GPR137: variants seen among roughly 807,000 people sequenced by gnomAD.
GPR137 encodes G protein-coupled receptor 137.
Under a neutral mutation model 38.9 loss-of-function variants are expected in GPR137, and 20 were observed. That is an observed-to-expected ratio of 0.51 (90% CI 0.36 to 0.75). The LOEUF (loss-of-function observed/expected upper bound fraction) is 0.75, where lower values mean the gene tolerates loss of function less well. GPR137 is among the 30% of genes least tolerant of loss of function. The pLI, the probability that GPR137 is intolerant of heterozygous loss-of-function variation, is 0.00. For synonymous variants in GPR137, 226 were observed against 235.8 expected, an observed-to-expected ratio of 0.96 and a Z score of 0.38; for missense variants, 456 against 526.4, an observed-to-expected ratio of 0.87 and a Z score of 1.31.
At chr11:64,284,389 G>A (rs2033703704), upstream of GPR137, 9 of 1,612,156 alleles carry the variant, frequency 5.6e-6, no homozygotes, top group Non-Finnish European at 7.6e-6. Context: ...GTGAGGACAA[G>A]ATGTTACGTA....
chr11:64,287,345 T>C (rs1374169214), intron 2 of GPR137: 6 of 974,756 alleles, frequency 6.2e-6, no homozygotes, highest in Admixed American at 6.1e-5. Context: ...CCTCGTCATT[T>C]GTACAGTGTC....
At position 64,287,746 on chromosome 11, in the gene GPR137, G is replaced by T; in HGVS notation, c.433G>T (p.Gly145Trp). 1 of 1,605,736 alleles carries T rather than the reference G, an allele frequency of 6.2e-7. No homozygotes were observed. ...GLLAVRGAFV[G>W]ASLLFLLVNV... ...GCTCGCTGTCCGAGGGGCCTTTGTGGGGGCCTCGCTGCTCTTTCTGCTGGT... is the reference window on the plus strand; with the variant it reads ...GCTCGCTGTCCGAGGGGCCTTTGTGTGGGCCTCGCTGCTCTTTCTGCTGGT... Residue 145 changes from glycine to tryptophan, a missense_variant, in exon 3 of 7, where the codon GGG (glycine) becomes TGG (tryptophan). Transcript: ENST00000438980.
Position 64,286,040 on chromosome 11 carries a change from G to A in GPR137, c.-485G>A, listed in dbSNP as rs569725891. 6.1e-6 allele frequency: 6 copies of A among 986,458 alleles called. No individual in the cohort carries two copies. In the South Asian group the frequency reaches 1.9e-4, roughly 31 times the overall value. The allele number at this position is 986,458 out of a possible 1,614,324, so 61.1% of individuals were successfully genotyped here. A position where few individuals can be genotyped will look rare whatever the true frequency, so the allele number is the denominator to read the frequency against. ...CAGGAGGCAGAGGCCCTCCCCATCC[G>A]CATTATTGGAGGAGAGAGAGCCTCC... On this transcript the variant is annotated 5_prime_UTR_variant, in exon 1 of 7. Transcript: ENST00000438980.
chr11:64,270,900 GACACACACACACAC>G (rs71045754), upstream of GPR137, among the ~76,000 whole-genome samples: 12 of 87,654 alleles, frequency 1.4e-4, no homozygotes, highest in Non-Finnish European at 2.1e-4. Flanking sequence ...TGCCCTGTGA[GACACACACACACAC>G]ACACACACAC....
In GPR137 at chr11:64,286,346, C is replaced by T; in HGVS notation, c.-179C>T. 1 of 1,409,062 alleles carries T rather than the reference C, an allele frequency of 7.1e-7. No individual in the cohort carries two copies. Among genetic ancestry groups the T allele is most frequent in the Non-Finnish European group, 9.2e-7 (1 of 1,087,346 alleles). 87.3% of individuals were successfully genotyped at this position (1,409,062 alleles called of 1,614,324 possible). A position where few individuals can be genotyped will look rare whatever the true frequency, so the allele number is the denominator to read the frequency against. ...CCTGGGGCCCAGGCTGCCTGTGTTC[C>T]CCAAGGGCAAGGGTCTCTCTGTTGA... On this transcript the variant is annotated 5_prime_UTR_variant, in exon 1 of 7. Coordinates refer to ENST00000438980, the MANE Select transcript of GPR137 (RefSeq NM_001170880.2).
In GPR137 at chr11:64,288,599, C is replaced by A; in HGVS notation, c.913-4C>A. The A allele has an allele frequency of 1.2e-6, 2 of 1,613,270 alleles. No individual in the cohort carries two copies. The highest frequency in any genetic ancestry group is 1.7e-6 in the Non-Finnish European group (2 of 1,179,716). ...TAAGTATCGATGATGGCTTCCTCCC[C>A]CAGAGCACCAGCCACATCCTCAATG... On this transcript the variant is annotated splice_region_variant and splice_polypyrimidine_tract_variant and intron_variant, in intron 5 of 6. Transcript: ENST00000438980. This position sits in a 1 kb window ranked among gnomAD's most constrained non-coding sequence, Gnocchi z 5.5.
chr11:64,275,289 G>A (rs186551107), upstream of GPR137, among the ~76,000 whole-genome samples: 7 of 152,258 alleles, frequency 4.6e-5, no homozygotes, highest in Admixed American at 3.9e-4. Context: ...CAGGAGAGCC[G>A]GGAACAGAAG....
upstream of GPR137, chr11:64,271,629 A>G (rs919269601): frequency 7.3e-6 from 11 of 1,500,136 alleles, no homozygotes; most frequent in Middle Eastern, 1.7e-4. Flanking sequence ...GGAGTCCACA[A>G]ACTCGTCACT....
chr11:64,285,395 G>T, upstream of GPR137: 1 of 984,900 alleles, frequency 1.0e-6, no homozygotes, highest in Non-Finnish European at 1.2e-6. Flanking sequence ...GCAGGGCCGC[G>T]GGCGCGCCGG....
upstream of GPR137, among the ~76,000 whole-genome samples, chr11:64,280,553 G>C (rs1213140): frequency 0.023 from 3,498 of 149,314 alleles, 150 homozygotes; most frequent in African/African-American, 0.082. Context: ...GGGTTTCACC[G>C]TGTTAGCCAG....
chr11:64,271,595 C>T (rs1336528794), upstream of GPR137: 2 of 1,414,164 alleles, frequency 1.4e-6, no homozygotes, highest in Non-Finnish European at 1.8e-6. Flanking sequence ...TCCTGGCACG[C>T]TGGGGACTGG....
upstream of GPR137, chr11:64,284,894 G>A (rs2033782571): frequency 1.4e-6 from 2 of 1,442,910 alleles, no homozygotes; most frequent in South Asian, 2.9e-5. Context: ...CACCTTGGGC[G>A]TGTGTGGGAG....
intron 1 of GPR137, 36 bp downstream of exon 1, chr11:64,286,917 T>C (rs1258991657): frequency 6.2e-6 from 10 of 1,609,920 alleles, no homozygotes; most frequent in Non-Finnish European, 8.5e-6. Flanking sequence ...GGGCGGGAGG[T>C]GGCAAGCCTC....
rs971414076 is a variant in GPR137 at position 64,288,530 on chromosome 11, T to C, written c.912+62T>C. The C allele has an allele frequency of 6.2e-7, 1 of 1,613,278 alleles. No individual in the cohort carries two copies. Among genetic ancestry groups the C allele is most frequent in the Non-Finnish European group, 8.5e-7 (1 of 1,179,800 alleles). ...GGGGGCGGATGTTGCAAATCCTGGGTTGGAGTCTGGGGTTGGGCCTGGGAG... is the reference window on the plus strand; with the variant it reads ...GGGGGCGGATGTTGCAAATCCTGGGCTGGAGTCTGGGGTTGGGCCTGGGAG... On this transcript the variant is annotated intron_variant, in intron 5 of 6. Transcript: ENST00000438980. The surrounding 1 kb of genome is among the most constrained non-coding windows in gnomAD (Gnocchi z 5.5).
intron 2 of GPR137, chr11:64,276,833 G>C (rs1288039460): frequency 1.4e-6 from 1 of 709,018 alleles, no homozygotes; most frequent in Non-Finnish European, 2.6e-6. Flanking sequence ...CCTAGAGCCT[G>C]GCCCGGAGCT....
rs756835886 is a variant in GPR137 at position 64,288,617 on chromosome 11, C to T, written c.927C>T (p.Ile309=). 3.1e-6 allele frequency: 5 copies of T among 1,613,270 alleles called. No individual in the cohort carries two copies. The highest frequency in any genetic ancestry group is 4.2e-6 in the Non-Finnish European group (5 of 1,179,604). ...TCCTCCCCCAGAGCACCAGCCACAT[C>T]CTCAATGGGCAGGTCTTTGCCTCTC... is the stretch of plus-strand genomic sequence containing the variant. The part of the protein sequence containing the change: ...RPPQDLSTSH[I]LNGQVFASRS... Residue 309 remains isoleucine (I), a synonymous_variant, in exon 6 of 7, where the codon ATC becomes ATT. Transcript: ENST00000438980. This position sits in a 1 kb window ranked among gnomAD's most constrained non-coding sequence, Gnocchi z 5.5.
At chr11:64,284,625 T>C, upstream of GPR137, 1 of 1,520,852 alleles carries the variant, frequency 6.6e-7, no homozygotes. Context: ...GGCGCACAGG[T>C]CTCACCCCAA....
upstream of GPR137, chr11:64,285,215 C>T (rs2033813230): frequency 2.0e-6 from 2 of 987,804 alleles, no homozygotes; most frequent in Admixed American, 6.1e-5. Flanking sequence ...TCGCGCCGCC[C>T]GCCTCGGGGG....
At position 64,286,016 on chromosome 11, in the gene GPR137, A is replaced by G; in HGVS notation, c.-509A>G. 2 of 985,056 alleles carry G rather than the reference A, an allele frequency of 2.0e-6. No homozygotes were observed. Among genetic ancestry groups the G allele is most frequent in the Non-Finnish European group, 2.4e-6 (2 of 829,488 alleles). The allele number at this position is 985,056 out of a possible 1,614,324, so 61.0% of individuals were successfully genotyped here. The stretch of plus-strand genomic sequence containing the variant: ...GGCAGCTTTCGAGAATTACGAGGAC[A>G]GGAGGCAGAGGCCCTCCCCATCCGC... On this transcript the variant is annotated 5_prime_UTR_variant, in exon 1 of 7. Coordinates refer to ENST00000438980, the MANE Select transcript of GPR137 (RefSeq NM_001170880.2).
Sources: gnomAD v4.1 joint callset for allele counts (sites outside exome capture counted in the v4.1 genomes callset) on GRCh38, gnomAD v4.1.1 for gene constraint, Gnocchi (gnomAD v3.1) non-coding constraint, MANE v1.5 for transcripts, NCBI Gene and HGNC (gene_info 2026-07-23, HGNC 2026-07-21) for gene names.